The following KCNQ1 variants were observed in gnomAD, a reference collection of about 807,000 sequenced individuals.
KCNQ1 encodes the protein potassium voltage-gated channel subfamily KQT member 1.
KCNQ1 carries 49 observed loss-of-function variants against 72.4 expected under a neutral mutation model. The ratio of observed to expected loss-of-function variants is 0.68; its 90% confidence interval spans 0.54 to 0.86. The LOEUF is 0.86. KCNQ1 is among the 40% of genes least tolerant of loss of function. KCNQ1 has a pLI of 0.00. For missense variants in KCNQ1, 790 were observed against 945.1 expected (o/e 0.84, Z 2.15); for synonymous variants, 450 against 412.6 (o/e 1.09, Z -1.10).
intron 2 of KCNQ1, among the ~76,000 whole-genome samples, chr11:2,569,234 C>A (rs1253635110): frequency 1.3e-5 from 2 of 152,206 alleles, no homozygotes; most frequent in Admixed American, 1.3e-4. Context: ...TGCACCTGTC[C>A]GCACACACCC....
rs372963225 is a variant in KCNQ1, at chr11:2,667,888, G to A, written c.1514+5807G>A. The A allele has an allele frequency of 3.7e-4, 148 of 398,634 alleles. 1 individual carries two copies. The highest frequency in any genetic ancestry group is 1.3e-3 in the East Asian group (37 of 28,082). The allele number at this position is 398,634 out of a possible 1,614,324, so 24.7% of individuals were successfully genotyped here. A position where few individuals can be genotyped will look rare whatever the true frequency, so the allele number is the denominator to read the frequency against. On this transcript the variant is annotated intron_variant, in intron 11 of 15. Transcript: ENST00000155840. Reference sequence around the variant, plus strand: ...AGATTAGTACACAGGTCTCAAGTGCGCAGCTTGAGGCATCTTCAGTCCCTG... The same window carrying A: ...AGATTAGTACACAGGTCTCAAGTGCACAGCTTGAGGCATCTTCAGTCCCTG...
chr11:2,792,110 C>G (rs1053888747), intron 15 of KCNQ1, among the ~76,000 whole-genome samples: 1 of 152,216 alleles, frequency 6.6e-6, no homozygotes, highest in African/African-American at 2.4e-5. Context: ...CCATTCATGC[C>G]TTCCCGGGTC....
At chr11:2,511,500 A>C (rs939912175) in intron 1 of KCNQ1, among the ~76,000 whole-genome samples, 1 of 152,078 alleles carries the variant, frequency 6.6e-6, no homozygotes, top group Non-Finnish European at 1.5e-5. Context: ...TCCACCCTCC[A>C]TGACTAGTGG....
At chr11:2,829,882 T>C (rs1847905971) in intron 15 of KCNQ1, among the ~76,000 whole-genome samples, 2 of 138,494 alleles carry the variant, frequency 1.4e-5, no homozygotes, top group South Asian at 4.5e-4. Flanking sequence ...GGTAAGAAAA[T>C]TTAAGAAGGA....
rs3892488 is a variant in KCNQ1 at position 2,791,411 on chromosome 11, G to A, written c.1794+13374G>A. Reference sequence around the variant, plus strand: ...CAACCTCAGAAAAACATGTATTTTGGTCAAAATGGGCCCCTTTTCAAACTT... The same window carrying A: ...CAACCTCAGAAAAACATGTATTTTGATCAAAATGGGCCCCTTTTCAAACTT... On this transcript the variant is annotated intron_variant, in intron 15 of 15. Transcript: ENST00000155840. 4.6e-3 allele frequency among the ~76,000 whole-genome samples: 700 copies of A among 152,338 alleles called. 29 individuals are homozygous for A. In the East Asian group the frequency reaches 0.11, roughly 23 times the overall value.
At chr11:2,721,086 A>G (rs938545307) in intron 11 of KCNQ1, among the ~76,000 whole-genome samples, 1 of 152,140 alleles carries the variant, frequency 6.6e-6, no homozygotes, top group Non-Finnish European at 1.5e-5. Context: ...AAGAGTTTCT[A>G]AAAGGTGGGG....
rs150322771 is a variant in KCNQ1 at position 2,510,331 on chromosome 11, C to T, written c.387-17597C>T. The stretch of plus-strand genomic sequence containing the variant: ...AATAAAGGTTTGTTGGACATGTTAG[C>T]TCACGCCTGCAATCTCAGCATTTGG... On this transcript the variant is annotated intron_variant, in intron 1 of 15. Coordinates refer to ENST00000155840, the MANE Select transcript of KCNQ1 (RefSeq NM_000218.3). Among the ~76,000 whole-genome samples the T allele has an allele frequency of 3.2e-3, 483 of 152,106 alleles. 2 individuals carry two copies. Among genetic ancestry groups the T allele is most frequent in the African/African-American group, 0.011 (443 of 41,466 alleles).
Position 2,477,630 on chromosome 11 carries a change from A to G in KCNQ1, c.386+32146A>G, listed in dbSNP as rs2133607106. On this transcript the variant is annotated intron_variant, in intron 1 of 15. Coordinates refer to ENST00000155840, the MANE Select transcript of KCNQ1 (RefSeq NM_000218.3). The surrounding 1 kb of genome is among the most constrained non-coding windows in gnomAD (Gnocchi z 5.0). ...ACCACACATGTAGGCTAGGCACAGT[A>G]GTTCATGCCTGTAATCCCACCACTT... 6.6e-6 allele frequency among the ~76,000 whole-genome samples: 1 copy of G among 152,116 alleles called. No homozygotes were observed. The highest frequency in any genetic ancestry group is 1.9e-4 in the East Asian group (1 of 5,150).
At position 2,608,878 on chromosome 11, in the gene KCNQ1, C is replaced by T. The variant is rs1848927554; in HGVS notation, c.1393+20024C>T. 1 of 398,266 alleles carries T rather than the reference C, an allele frequency of 2.5e-6. No homozygotes were observed. The highest frequency in any genetic ancestry group is 4.4e-6 in the Non-Finnish European group (1 of 226,038). 24.7% of individuals were successfully genotyped at this position (398,266 alleles called of 1,614,324 possible). A position where few individuals can be genotyped will look rare whatever the true frequency, so the allele number is the denominator to read the frequency against. On this transcript the variant is annotated intron_variant, in intron 10 of 15. Coordinates refer to ENST00000155840, the MANE Select transcript of KCNQ1 (RefSeq NM_000218.3). This position sits in a 1 kb window ranked among gnomAD's most constrained non-coding sequence, Gnocchi z 4.6. ...CTCTCCCCCTTTGCCTCATGCACTT[C>T]CCTCTCTGTCTTTCCTCCTCCCCCT...
At chr11:2,835,428 C>G (rs4930011) in intron 15 of KCNQ1, among the ~76,000 whole-genome samples, 49,984 of 150,214 alleles carry the variant, frequency 0.33, 9,153 homozygotes, top group Non-Finnish European at 0.39. Flanking sequence ...CACACACACA[C>G]GCACACATGC....
intron 10 of KCNQ1, chr11:2,643,417 T>C (rs1849610039): frequency 2.5e-6 from 1 of 398,440 alleles, no homozygotes; most frequent in Non-Finnish European, 4.4e-6. Context: ...AATGACTTCG[T>C]CTCTTTTTAG....
rs1850559309 is a variant in KCNQ1, at chr11:2,689,836, G to T, written c.1514+27755G>T. The T allele has an allele frequency of 7.5e-6, 3 of 398,678 alleles. 1 individual carries two copies. The highest frequency in any genetic ancestry group is 4.1e-5 in the African/African-American group (2 of 48,658). 24.7% of individuals were successfully genotyped at this position (398,678 alleles called of 1,614,324 possible). A position where few individuals can be genotyped will look rare whatever the true frequency, so the allele number is the denominator to read the frequency against. Reference sequence around the variant, plus strand: ...TGGTGCTTGGCCCTCCCAGGTGCCTGGTTGTGGCCTGCCACTTAGCACCCA... The same window carrying T: ...TGGTGCTTGGCCCTCCCAGGTGCCTTGTTGTGGCCTGCCACTTAGCACCCA... On this transcript the variant is annotated intron_variant, in intron 11 of 15. Coordinates refer to ENST00000155840, the MANE Select transcript of KCNQ1 (RefSeq NM_000218.3).
intron 1 of KCNQ1, among the ~76,000 whole-genome samples, chr11:2,506,359 A>G (rs1002585290): frequency 6.6e-6 from 1 of 152,210 alleles, no homozygotes; most frequent in Non-Finnish European, 1.5e-5. Flanking sequence ...CCTAGAGACC[A>G]CTACATATCA....
At position 2,624,355 on chromosome 11, in the gene KCNQ1, C is replaced by T. The variant is rs1327350206; in HGVS notation, c.1393+35501C>T. On this transcript the variant is annotated intron_variant, in intron 10 of 15. Coordinates refer to ENST00000155840, the MANE Select transcript of KCNQ1 (RefSeq NM_000218.3). This position sits in a 1 kb window ranked among gnomAD's most constrained non-coding sequence, Gnocchi z 4.9. ...TATATCTTTTACAAGTATTGTCTCCCTTCTGTGGCCTGTCCTTTCATCCTC... is the reference window on the plus strand; with the variant it reads ...TATATCTTTTACAAGTATTGTCTCCTTTCTGTGGCCTGTCCTTTCATCCTC... 4 of 398,296 alleles carry T rather than the reference C, an allele frequency of 1.0e-5. No individual in the cohort carries two copies. The Admixed American group carries it at 1.8e-4, about 18-fold the overall frequency. 24.7% of individuals were successfully genotyped at this position (398,296 alleles called of 1,614,324 possible).
Position 2,847,847 on chromosome 11 carries a change from C to G in KCNQ1, c.1875C>G (p.Pro625=), listed in dbSNP as rs112113213. ...QLLSLHGGST[P]GSGGPPREGG... Reference sequence around the variant, plus strand: ...TCTCCTTGCACGGTGGCAGCACCCCCGGCAGCGGCGGCCCCCCCAGAGAGG... The same window carrying G: ...TCTCCTTGCACGGTGGCAGCACCCCGGGCAGCGGCGGCCCCCCCAGAGAGG... Residue 625 remains proline (P), a synonymous_variant, in exon 16 of 16, where the codon CCC becomes CCG. Coordinates refer to ENST00000155840, the MANE Select transcript of KCNQ1 (RefSeq NM_000218.3). 2 of 1,570,264 alleles carry G rather than the reference C, an allele frequency of 1.3e-6. No homozygotes were observed. Among genetic ancestry groups the G allele is most frequent in the Non-Finnish European group, 1.7e-6 (2 of 1,157,482 alleles).
chr11:2,572,869 C>T lies in KCNQ1; in HGVS notation c.804C>T (p.Ile268=), dbSNP rs373227792. Residue 268 remains isoleucine, a synonymous_variant, in exon 6 of 16, where the codon ATC becomes ATT. Transcript: ENST00000155840. ...AGGAGCTGATAACCACCCTGTACAT[C>T]GGCTTCCTGGGCCTCATCTTCTCCT... ...HRQELITTLY[I]GFLGLIFSSY... 54 of 1,613,708 alleles carry T rather than the reference C, an allele frequency of 3.3e-5. No individual in the cohort carries two copies. The highest frequency in any genetic ancestry group is 3.3e-4 in the Middle Eastern group (2 of 6,084).
intron 11 of KCNQ1, among the ~76,000 whole-genome samples, chr11:2,751,891 C>A (rs1258478135): frequency 2.0e-5 from 3 of 152,244 alleles, no homozygotes; most frequent in Non-Finnish European, 4.4e-5. Context: ...CTATTCCCCC[C>A]ATAGCATGGC....
rs375203415 is a variant in KCNQ1 at position 2,510,374 on chromosome 11, G to C, written c.387-17554G>C. On this transcript the variant is annotated intron_variant, in intron 1 of 15. Transcript: ENST00000155840. ...GCATTTGGGGAGGCTGAGGCAAGTG[G>C]ATTGCTTGAGGCCAGGAGTTTGAGA... Among the ~76,000 whole-genome samples, 5 of 152,284 alleles carry C rather than the reference G, an allele frequency of 3.3e-5. No individual in the cohort carries two copies. The East Asian group carries it at 9.6e-4, about 29-fold the overall frequency.
intron 10 of KCNQ1, chr11:2,655,400 T>A: frequency 2.5e-6 from 1 of 398,710 alleles, no homozygotes; most frequent in Non-Finnish European, 4.4e-6. Context: ...GTCACCAGGA[T>A]GCTGTGCTCT....
Sources: gnomAD v4.1 joint callset for allele counts (sites outside exome capture counted in the v4.1 genomes callset) on GRCh38, gnomAD v4.1.1 for gene constraint, Gnocchi (gnomAD v3.1) non-coding constraint, MANE v1.5 for transcripts, NCBI Gene and HGNC (gene_info 2026-07-23, HGNC 2026-07-21) for gene names.